The following KLF8 variants were observed in gnomAD, a reference collection of about 807,000 sequenced individuals.
KLF8 encodes Krueppel-like factor 8.
Under a neutral mutation model 18.2 loss-of-function variants are expected in KLF8, and 10 were observed. The observed-to-expected ratio is 0.55, with a 90% CI of 0.34 to 0.93. The LOEUF (loss-of-function observed/expected upper bound fraction) is 0.93, where lower values mean the gene tolerates loss of function less well. Ranked by LOEUF, KLF8 falls within the 40% of genes least tolerant of loss-of-function variation. The pLI is 0.02. For missense variants in KLF8, 264 were observed against 277.9 expected (o/e 0.95, Z 0.36); for synonymous variants, 109 against 97.3 (o/e 1.12, Z -0.71).
At chrX:56,222,417 C>T in the KLF8 span, among the ~76,000 whole-genome samples, 25 of 110,347 alleles carry the variant, frequency 2.3e-4, no homozygotes, top group Middle Eastern at 5.0e-3. Flanking sequence ...AGACACAGGG[C>T]GCTGATTGGT....
At chrX:55,951,508 AAAAG>A in the KLF8 span, among the ~76,000 whole-genome samples, 4 of 109,438 alleles carry the variant, frequency 3.7e-5, no homozygotes, top group Admixed American at 3.0e-4. Context: ...GAAAGAAAGA[AAAAG>A]AAAGAGATTG....
At chrX:56,178,139 G>T in the KLF8 span, among the ~76,000 whole-genome samples, 1 of 112,031 alleles carries the variant, frequency 8.9e-6, no homozygotes, top group Non-Finnish European at 1.9e-5. Context: ...CCGCAGTGAG[G>T]TGAACCTGGT....
the KLF8 span, among the ~76,000 whole-genome samples, chrX:55,932,851 G>T: frequency 2.7e-5 from 3 of 111,136 alleles, no homozygotes; most frequent in African/African-American, 9.8e-5. Flanking sequence ...GTGTCTTGAG[G>T]TTGCTCTTCT....
the KLF8 span, among the ~76,000 whole-genome samples, chrX:56,177,867 A>C: frequency 8.9e-6 from 1 of 111,992 alleles, no homozygotes; most frequent in South Asian, 3.7e-4. Flanking sequence ...GCTAGCAATG[A>C]GCAAGGATCC....
chrX:56,050,681 C>A, the KLF8 span, among the ~76,000 whole-genome samples: 2 of 112,169 alleles, frequency 1.8e-5, no homozygotes, highest in Non-Finnish European at 3.8e-5. Flanking sequence ...GAGAGATTTA[C>A]TTCCACCTAT....
At chrX:56,024,840 C>T in the KLF8 span, among the ~76,000 whole-genome samples, 1 of 112,271 alleles carries the variant, frequency 8.9e-6, no homozygotes. Flanking sequence ...ACCGGGCTGC[C>T]TGCCTTTGGT....
chrX:56,091,293 C>T, the KLF8 span, among the ~76,000 whole-genome samples: 10 of 110,448 alleles, frequency 9.1e-5, no homozygotes, highest in Admixed American at 2.9e-4. Context: ...CCTCACCTGC[C>T]GCCGTGTAAG....
chrX:56,101,185 A>C, the KLF8 span, among the ~76,000 whole-genome samples: 13 of 111,793 alleles, frequency 1.2e-4, no homozygotes, highest in South Asian at 3.7e-4. Flanking sequence ...TGTGTACTCA[A>C]AGTTTAGCTT....
At chrX:56,197,267 CA>C in the KLF8 span, among the ~76,000 whole-genome samples, 7 of 101,303 alleles carry the variant, frequency 6.9e-5, no homozygotes, top group East Asian at 3.1e-4. Context: ...AATAGAGACA[CA>C]AAAAAAAAAC....
At chrX:56,052,565 C>T in the KLF8 span, among the ~76,000 whole-genome samples, 1 of 111,728 alleles carries the variant, frequency 9.0e-6, no homozygotes, top group Non-Finnish European at 1.9e-5. Flanking sequence ...GGGGTGCGTC[C>T]CAGTTAGGCT....
the KLF8 span, among the ~76,000 whole-genome samples, chrX:56,131,482 A>G: frequency 8.9e-6 from 1 of 111,914 alleles, no homozygotes. Flanking sequence ...AAGAACTGCT[A>G]AAAGGAGCTC....
At chrX:56,206,216 T>A in the KLF8 span, among the ~76,000 whole-genome samples, 5 of 111,141 alleles carry the variant, frequency 4.5e-5, no homozygotes, top group Non-Finnish European at 3.8e-5. Context: ...AGCCAAACCA[T>A]ACCATCCCAC....
At chrX:56,029,857 G>T in the KLF8 span, among the ~76,000 whole-genome samples, 1 of 111,720 alleles carries the variant, frequency 9.0e-6, no homozygotes, top group Admixed American at 9.4e-5. Context: ...GCAAATCAGC[G>T]TTCCACCTGG....
rs189324678 is a variant in KLF8 at position 56,243,911 on chromosome X, A to G, written c.8-6320A>G. Among the ~76,000 whole-genome samples, 283 of 111,647 alleles carry G rather than the reference A, an allele frequency of 2.5e-3. 2 individuals carry two copies. The highest frequency in any genetic ancestry group is 0.01 in the South Asian group (27 of 2,625). On this transcript the variant is annotated intron_variant, in intron 1 of 5. Coordinates refer to ENST00000468660, the MANE Select transcript of KLF8 (RefSeq NM_007250.5). The stretch of plus-strand genomic sequence containing the variant: ...CTGGAAGGTGAGGTTGAGTTTTCCA[A>G]TGGTGACAGGTGTGAGCCTGTTTGG...
chrX:56,272,365 C>A (rs1323478992), intron 5 of KLF8, among the ~76,000 whole-genome samples: 2 of 111,090 alleles, frequency 1.8e-5, no homozygotes, highest in Non-Finnish European at 3.8e-5. Context: ...CATGTGCCAC[C>A]TTGCCCAGCT....
At chrX:56,175,135 C>A in the KLF8 span, among the ~76,000 whole-genome samples, 121 of 111,234 alleles carry the variant, frequency 1.1e-3, no homozygotes, top group African/African-American at 3.9e-3. Context: ...TTGCCTTCTG[C>A]TAGCTTTTGA....
chrX:56,182,923 C>T, the KLF8 span, among the ~76,000 whole-genome samples: 7 of 112,153 alleles, frequency 6.2e-5, no homozygotes, highest in African/African-American at 2.3e-4. Flanking sequence ...GGTCAGGGAC[C>T]CACTTGAGGA....
At chrX:55,969,824 A>G in the KLF8 span, among the ~76,000 whole-genome samples, 1 of 111,834 alleles carries the variant, frequency 8.9e-6, no homozygotes, top group Non-Finnish European at 1.9e-5. Context: ...ACACCAATAA[A>G]TTGTAAAATC....
At chrX:56,136,559 A>G in the KLF8 span, among the ~76,000 whole-genome samples, 4 of 111,906 alleles carry the variant, frequency 3.6e-5, no homozygotes, top group East Asian at 1.1e-3. Context: ...ATATTTAGGA[A>G]GCTGAAACTG....
Sources: gnomAD v4.1 joint callset for allele counts (sites outside exome capture counted in the v4.1 genomes callset) on GRCh38, gnomAD v4.1.1 for gene constraint, MANE v1.5 for transcripts, NCBI Gene and HGNC (gene_info 2026-07-23, HGNC 2026-07-21) for gene names.